AAK1: variants seen among roughly 807,000 people sequenced by gnomAD.
AAK1 encodes the protein AP2 associated kinase 1, also known as AP2-associated protein kinase 1.
AAK1 carries 37 observed loss-of-function variants against 116.0 expected under a neutral mutation model. The observed-to-expected ratio is 0.32, with a 90% confidence interval of 0.25 to 0.42. The LOEUF (loss-of-function observed/expected upper bound fraction) is 0.42, where lower values mean the gene tolerates loss of function less well. Ranked by LOEUF, AAK1 falls within the 10% of genes least tolerant of loss-of-function variation. The probability of loss-of-function intolerance (pLI) is 1.00; values close to 1 mark genes in which losing one functional copy is unlikely to be tolerated. For missense variants in AAK1, 919 were observed against 1,170.6 expected (o/e 0.79, Z 3.14); for synonymous variants, 458 against 439.9 (o/e 1.04, Z -0.51).
At chr2:69,589,484 A>C (rs1286168309) in intron 2 of AAK1, among the ~76,000 whole-genome samples, 6 of 151,992 alleles carry the variant, frequency 3.9e-5, no homozygotes, top group African/African-American at 1.4e-4. Context: ...CGAGGCAGGC[A>C]GATCACCAGA....
At chr2:69,641,969 A>G (rs1217489326) in intron 2 of AAK1, among the ~76,000 whole-genome samples, 2 of 152,178 alleles carry the variant, frequency 1.3e-5, no homozygotes, top group African/African-American at 4.8e-5. Context: ...AAAGCACACT[A>G]GGCAGGCGAA....
chr2:69,629,167 A>AT (rs1186538988), intron 2 of AAK1, among the ~76,000 whole-genome samples: 4 of 152,166 alleles, frequency 2.6e-5, no homozygotes, highest in African/African-American at 9.7e-5. Flanking sequence ...CAATCTATGC[A>AT]TTTTCAAATT....
intron 2 of AAK1, among the ~76,000 whole-genome samples, chr2:69,592,860 G>A (rs1673093812): frequency 6.6e-6 from 1 of 152,160 alleles, no homozygotes; most frequent in South Asian, 2.1e-4. Context: ...ATGAACAAGT[G>A]AGTGTCTTAA....
At chr2:69,594,843 A>G (rs1456217117) in intron 2 of AAK1, 2 of 1,556,012 alleles carry the variant, frequency 1.3e-6, no homozygotes, top group Non-Finnish European at 1.8e-6. Flanking sequence ...AGTTGGGCTC[A>G]ACGCACTCAA....
At position 69,505,669 on chromosome 2, in the gene AAK1, T is replaced by A; in HGVS notation, c.2169A>T (p.Lys723Asn). ...CTGAGCCTCCAAGCTTCTCGGGATG[T>A]TTGCCTGGAGAGACAAAACACCACT... Reference protein sequence around the residue: ...NKDFAKLGEGKHPEKLGGSAE... With the variant: ...NKDFAKLGEGNHPEKLGGSAE... The change falls in exon 16 of 22, where the codon AAA becomes AAT. Residue 723 changes from lysine to asparagine, a missense_variant. Transcript: ENST00000409085. 6.2e-7 allele frequency: 1 copy of A among 1,613,244 alleles called. No homozygotes were observed. The highest frequency in any genetic ancestry group is 8.5e-7 in the Non-Finnish European group (1 of 1,179,462).
chr2:69,518,113 C>G (rs547847219), intron 12 of AAK1, among the ~76,000 whole-genome samples: 130 of 151,990 alleles, frequency 8.6e-4, no homozygotes, highest in African/African-American at 2.6e-3. Context: ...CAGAGCAAGA[C>G]CATACCTCCA....
chr2:69,567,114 C>G (rs1447073147), intron 2 of AAK1, among the ~76,000 whole-genome samples: 1 of 152,212 alleles, frequency 6.6e-6, no homozygotes, highest in East Asian at 1.9e-4. Context: ...TCTGTTCCAG[C>G]CACAAGAGCC....
chr2:69,500,696 T>TATAC (rs1255141431), intron 16 of AAK1, among the ~76,000 whole-genome samples: 11 of 99,392 alleles, frequency 1.1e-4, no homozygotes, highest in Non-Finnish European at 1.9e-4. Flanking sequence ...TATATATATA[T>TATAC]ATACACACAC....
Position 69,463,761 on chromosome 2 carries a change from T to G in AAK1, c.*12108A>C, listed in dbSNP as rs181041263. 1 of 152,230 alleles carries G rather than the reference T, an allele frequency of 6.6e-6. No homozygotes were observed. The highest frequency in any genetic ancestry group is 2.4e-5 in the African/African-American group (1 of 41,454). The allele number at this position is 152,230 out of a possible 1,614,324, so 9.4% of individuals were successfully genotyped here. On this transcript the variant is annotated 3_prime_UTR_variant, in exon 22 of 22. Transcript: ENST00000409085. ...CTCCTGACCTTGTGATCTGCCCACC[T>G]TGGCCTCCCAAAGTGCTGGGATTAC...
Position 69,465,797 on chromosome 2 carries a change from C to G in AAK1, c.*10072G>C, listed in dbSNP as rs749159269. 2.3e-6 allele frequency: 3 copies of G among 1,290,654 alleles called. No individual in the cohort carries two copies. The highest frequency in any genetic ancestry group is 4.6e-5 in the Admixed American group (2 of 43,520). 80.0% of individuals were successfully genotyped at this position (1,290,654 alleles called of 1,614,324 possible). A position where few individuals can be genotyped will look rare whatever the true frequency, so the allele number is the denominator to read the frequency against. ...GGTCTGCTGCTTGTACAGAATGGGACAGGAGGTTAGACTGTTGCACAAAAC... is the reference window on the plus strand; with the variant it reads ...GGTCTGCTGCTTGTACAGAATGGGAGAGGAGGTTAGACTGTTGCACAAAAC... On this transcript the variant is annotated 3_prime_UTR_variant, in exon 22 of 22. Coordinates refer to ENST00000409085, the MANE Select transcript of AAK1 (RefSeq NM_014911.5).
chr2:69,622,096 C>T (rs536401116), intron 2 of AAK1, among the ~76,000 whole-genome samples: 70 of 152,338 alleles, frequency 4.6e-4, no homozygotes, highest in African/African-American at 1.7e-3. Context: ...GAGGTGCGGG[C>T]GGGAACCGGG....
chr2:69,637,226 G>T (rs1158863010), intron 2 of AAK1, among the ~76,000 whole-genome samples: 1 of 152,158 alleles, frequency 6.6e-6, no homozygotes, highest in Non-Finnish European at 1.5e-5. Context: ...CACCTCAAAT[G>T]TCACCTTTCT....
chr2:69,593,694 T>A (rs1673135210), intron 2 of AAK1, among the ~76,000 whole-genome samples: 1 of 152,236 alleles, frequency 6.6e-6, no homozygotes, highest in East Asian at 1.9e-4. Context: ...GTAAAATTTG[T>A]CAAGATAAGC....
rs757127390 is a variant in AAK1 at position 69,482,739 on chromosome 2, A to T, written c.2439T>A (p.Pro813=). 2 of 1,613,196 alleles carry T rather than the reference A, an allele frequency of 1.2e-6. No homozygotes were observed. Among genetic ancestry groups the T allele is most frequent in the Non-Finnish European group, 1.7e-6 (2 of 1,179,126 alleles). Residue 813 remains proline (P), a synonymous_variant, in exon 18 of 22, where the codon CCT becomes CCA. Coordinates refer to ENST00000409085, the MANE Select transcript of AAK1 (RefSeq NM_014911.5). ...TTACAGCATCAGAAGTGCTACCAAA[A>T]GGATCTGTCATAGGCAAGAGGTCAG... ...LLPDLLPMTD[P]FGSTSDAVIE...
chr2:69,643,155 G>C lies in AAK1; in HGVS notation c.-115C>G. 4.2e-6 allele frequency: 6 copies of C among 1,433,078 alleles called. No homozygotes were observed. The highest frequency in any genetic ancestry group is 5.4e-6 in the Non-Finnish European group (6 of 1,103,332). The allele number at this position is 1,433,078 out of a possible 1,614,324, so 88.8% of individuals were successfully genotyped here. A position where few individuals can be genotyped will look rare whatever the true frequency, so the allele number is the denominator to read the frequency against. On this transcript the variant is annotated 5_prime_UTR_variant, in exon 2 of 22. Transcript: ENST00000409085. Reference sequence around the variant, plus strand: ...TTCTTCTCAGATTTCACCTCGGAGAGGAGCCACCCGAATCCGGCCGTGGGG... The same window carrying C: ...TTCTTCTCAGATTTCACCTCGGAGACGAGCCACCCGAATCCGGCCGTGGGG...
At chr2:69,604,326 C>T (rs1337546541) in intron 2 of AAK1, among the ~76,000 whole-genome samples, 3 of 152,178 alleles carry the variant, frequency 2.0e-5, no homozygotes, top group African/African-American at 7.2e-5. Context: ...TGTGATTTAG[C>T]TCACTGCCTA....
chr2:69,642,373 G>A (rs905175744), intron 2 of AAK1, among the ~76,000 whole-genome samples: 1 of 152,120 alleles, frequency 6.6e-6, no homozygotes, highest in South Asian at 2.1e-4. Flanking sequence ...AATCCACCAA[G>A]AGCCTTGGCC....
intron 16 of AAK1, among the ~76,000 whole-genome samples, chr2:69,500,698 T>TATATATATACACAC: frequency 8.8e-4 from 57 of 65,074 alleles, no homozygotes; most frequent in African/African-American, 2.4e-3. Flanking sequence ...TATATATATA[T>TATATATATACACAC]ACACACACAC....
chr2:69,468,812 G>T lies in AAK1; in HGVS notation c.*7057C>A. The T allele has an allele frequency of 1.0e-6, 1 of 985,406 alleles. No homozygotes were observed. The highest frequency in any genetic ancestry group is 1.2e-6 in the Non-Finnish European group (1 of 829,938). The allele number at this position is 985,406 out of a possible 1,614,324, so 61.0% of individuals were successfully genotyped here. A position where few individuals can be genotyped will look rare whatever the true frequency, so the allele number is the denominator to read the frequency against. ...TGTGCCCATATTCAGGGTTGGAGAGGATGGAAGAACATGTCTAACCCATCA... is the reference window on the plus strand; with the variant it reads ...TGTGCCCATATTCAGGGTTGGAGAGTATGGAAGAACATGTCTAACCCATCA... On this transcript the variant is annotated 3_prime_UTR_variant, in exon 22 of 22. Transcript: ENST00000409085.
Sources: gnomAD v4.1 joint callset for allele counts (sites outside exome capture counted in the v4.1 genomes callset) on GRCh38, gnomAD v4.1.1 for gene constraint, MANE v1.5 for transcripts, NCBI Gene and HGNC (gene_info 2026-07-23, HGNC 2026-07-21) for gene names.